Variants in RBFOX1 observed in about 807,000 individuals in gnomAD.
RBFOX1 encodes RNA binding protein fox-1 homolog 1.
A neutral mutation model predicts 57.7 loss-of-function variants in RBFOX1; 8 were observed. That is an observed-to-expected ratio of 0.14 (90% CI 0.08 to 0.25). RBFOX1 has a LOEUF of 0.25. Ranked by LOEUF, RBFOX1 falls within the 10% of genes least tolerant of loss-of-function variation. RBFOX1 has a pLI of 1.00. For synonymous variants in RBFOX1, 326 were observed against 222.4 expected, an observed-to-expected ratio of 1.47 and a Z score of -4.15; for missense variants, 611 against 548.5, an observed-to-expected ratio of 1.11 and a Z score of -1.14.
At chr16:6,724,419 G>A (rs1172471326) in intron 3 of RBFOX1, among the ~76,000 whole-genome samples, 1 of 151,906 alleles carries the variant, frequency 6.6e-6, no homozygotes, top group Non-Finnish European at 1.5e-5. Context: ...ATGTTGCCAG[G>A]CTGGTCTCGA....
intron 4 of RBFOX1, among the ~76,000 whole-genome samples, chr16:5,924,338 A>C (rs2058897802): frequency 3.3e-5 from 5 of 152,146 alleles, no homozygotes; most frequent in Admixed American, 3.3e-4. Flanking sequence ...CCTCATGTTA[A>C]AATTTGATTG....
At chr16:5,432,687 G>A (rs1043168801) in intron 1 of RBFOX1, among the ~76,000 whole-genome samples, 6 of 151,884 alleles carry the variant, frequency 4.0e-5, no homozygotes, top group African/African-American at 1.2e-4. Flanking sequence ...CTGACTGTGG[G>A]TGCCCAGGCT....
intron 1 of RBFOX1, among the ~76,000 whole-genome samples, chr16:6,052,731 C>T (rs979458675): frequency 6.6e-6 from 1 of 151,466 alleles, no homozygotes; most frequent in Non-Finnish European, 1.5e-5. Flanking sequence ...TTGCAGTGAG[C>T]CGAGATCGCG....
intron 2 of RBFOX1, among the ~76,000 whole-genome samples, chr16:6,487,689 AAAAAAAAAAAAATATATATATAT>A (rs2095523828): frequency 5.1e-4 from 6 of 11,668 alleles, no homozygotes; most frequent in Non-Finnish European, 6.4e-4. Flanking sequence ...AAAAAAAAAA[AAAAAAAAAAAAATATATATATAT>A]ATATATATAT....
At chr16:7,359,553 T>C (rs2097280495) in intron 4 of RBFOX1, among the ~76,000 whole-genome samples, 2 of 152,346 alleles carry the variant, frequency 1.3e-5, no homozygotes, top group African/African-American at 4.8e-5. Context: ...GTGTGAATCA[T>C]CTGAAGTACC....
At chr16:7,132,178 C>G (rs2070653766) in intron 4 of RBFOX1, among the ~76,000 whole-genome samples, 1 of 151,838 alleles carries the variant, frequency 6.6e-6, no homozygotes, top group Non-Finnish European at 1.5e-5. Flanking sequence ...ATGGGGTTTT[C>G]CCATGTCAGC....
intron 3 of RBFOX1, among the ~76,000 whole-genome samples, chr16:6,769,976 A>G (rs893288418): frequency 6.6e-6 from 1 of 152,172 alleles, no homozygotes; most frequent in Non-Finnish European, 1.5e-5. Flanking sequence ...TGCAGGCTAC[A>G]GGTCCTTTAT....
At chr16:7,566,103 T>G (rs1291089614) in intron 5 of RBFOX1, among the ~76,000 whole-genome samples, 2 of 152,176 alleles carry the variant, frequency 1.3e-5, no homozygotes, top group Admixed American at 1.3e-4. Flanking sequence ...GCATTTGATA[T>G]GGTGTTTAGT....
intron 3 of RBFOX1, among the ~76,000 whole-genome samples, chr16:5,864,210 G>A (rs1436360786): frequency 6.6e-6 from 1 of 152,170 alleles, no homozygotes; most frequent in African/African-American, 2.4e-5. Context: ...CAGCTCCATC[G>A]ATGTCCCTGC....
chr16:7,596,709 G>A (rs1026105658), intron 8 of RBFOX1, among the ~76,000 whole-genome samples: 1 of 152,186 alleles, frequency 6.6e-6, no homozygotes, highest in Admixed American at 6.5e-5. Context: ...GGGAGGCACT[G>A]ACTGGATTGA....
At chr16:7,332,420 A>G (rs1358921518) in intron 4 of RBFOX1, among the ~76,000 whole-genome samples, 2 of 152,230 alleles carry the variant, frequency 1.3e-5, no homozygotes, top group African/African-American at 4.8e-5. Flanking sequence ...TCAGAGAGAG[A>G]GCGGGAGGAA....
At chr16:7,006,781 A>G (rs1306117447) in intron 3 of RBFOX1, among the ~76,000 whole-genome samples, 1 of 152,196 alleles carries the variant, frequency 6.6e-6, no homozygotes, top group African/African-American at 2.4e-5. Flanking sequence ...AACCCTATGC[A>G]GAAGAGAACA....
intron 3 of RBFOX1, among the ~76,000 whole-genome samples, chr16:5,814,081 A>G (rs1349577061): frequency 6.6e-6 from 1 of 152,184 alleles, no homozygotes; most frequent in Non-Finnish European, 1.5e-5. Flanking sequence ...CTAACCTTCC[A>G]TCTCGAAGTT....
chr16:6,080,867 CT>C (rs2095990694), intron 1 of RBFOX1, among the ~76,000 whole-genome samples: 2 of 152,122 alleles, frequency 1.3e-5, no homozygotes, highest in Non-Finnish European at 2.9e-5. Context: ...GCTTGTTTTC[CT>C]GTTTAATATC....
At chr16:6,590,542 G>C (rs556494828) in intron 2 of RBFOX1, among the ~76,000 whole-genome samples, 5 of 152,150 alleles carry the variant, frequency 3.3e-5, no homozygotes, top group African/African-American at 4.8e-5. Flanking sequence ...AGCCCCCTGC[G>C]ACTAGTTTGT....
chr16:7,190,574 G>T (rs1050655535), intron 4 of RBFOX1, among the ~76,000 whole-genome samples: 5 of 151,982 alleles, frequency 3.3e-5, no homozygotes, highest in Non-Finnish European at 7.4e-5. Flanking sequence ...GAAAGTAGAG[G>T]AGGTTGCTAA....
At chr16:5,283,665 TG>T (rs1443505176) in intron 1 of RBFOX1, among the ~76,000 whole-genome samples, 7 of 152,232 alleles carry the variant, frequency 4.6e-5, no homozygotes, top group African/African-American at 1.7e-4. Context: ...GCGTGGGGCC[TG>T]TAGCCCCTTT....
chr16:7,650,333 C>CA (rs1474583988), intron 11 of RBFOX1, among the ~76,000 whole-genome samples: 6 of 148,440 alleles, frequency 4.0e-5, no homozygotes, highest in Middle Eastern at 6.9e-3. Context: ...TTTTTTTGGC[C>CA]AAGGGTACCT....
At chr16:6,665,230 CTAT>C (rs746388499) in intron 3 of RBFOX1, among the ~76,000 whole-genome samples, 3,337 of 152,254 alleles carry the variant, frequency 0.022, 54 homozygotes, top group Non-Finnish European at 0.035. Context: ...TGTCACTTAG[CTAT>C]AAAGGGCGAT....
Sources: allele counts gnomAD v4.1 joint callset (sites outside exome capture counted in the v4.1 genomes callset), GRCh38; gene constraint gnomAD v4.1.1; transcripts MANE v1.5; gene names NCBI Gene and HGNC (gene_info 2026-07-23, HGNC 2026-07-21).